CDC42BPA: variants seen among roughly 807,000 people sequenced by gnomAD.
CDC42BPA encodes CDC42 binding protein kinase alpha.
Under a neutral mutation model 223.5 loss-of-function variants are expected in CDC42BPA, and 80 were observed. The observed-to-expected ratio is 0.36, with a 90% CI of 0.30 to 0.43. The LOEUF (loss-of-function observed/expected upper bound fraction) is 0.43. Among genes scored for constraint, CDC42BPA ranks in the 20% least tolerant of loss-of-function variants. The pLI is 1.00. For synonymous variants in CDC42BPA, 694 were observed against 718.6 expected (o/e 0.97, Z 0.55); for missense variants, 1,743 against 2,099.9 (o/e 0.83, Z 3.32).
At chr1:227,011,359 T>C (rs1398715366) in intron 34 of CDC42BPA, among the ~76,000 whole-genome samples, 2 of 152,214 alleles carry the variant, frequency 1.3e-5, no homozygotes, top group African/African-American at 2.4e-5. Context: ...AGTATTTTCT[T>C]ATGTAATAAC....
At chr1:227,117,243 T>C (rs1687906221) in intron 12 of CDC42BPA, among the ~76,000 whole-genome samples, 1 of 152,150 alleles carries the variant, frequency 6.6e-6, no homozygotes, top group South Asian at 2.1e-4. Flanking sequence ...AAAATAGTAA[T>C]AAATATAGAT....
At chr1:227,231,728 T>C (rs544708526) in intron 2 of CDC42BPA, among the ~76,000 whole-genome samples, 6 of 152,186 alleles carry the variant, frequency 3.9e-5, no homozygotes, top group African/African-American at 1.4e-4. Context: ...ATTTCTCTGA[T>C]GGCCAGTGAT....
chr1:227,106,675 G>A (rs1463955444), intron 14 of CDC42BPA, among the ~76,000 whole-genome samples: 1 of 152,200 alleles, frequency 6.6e-6, no homozygotes, highest in East Asian at 1.9e-4. Context: ...CAAATCCAAG[G>A]TCTCTTGAGT....
intron 14 of CDC42BPA, 59 bp from the exon 15 acceptor site, chr1:227,101,298 A>C: frequency 9.3e-7 from 1 of 1,069,584 alleles, no homozygotes; most frequent in South Asian, 2.0e-5. Context: ...TATTTAAATA[A>C]CTTCTTTCTG....
At chr1:227,187,484 G>GAA (rs56401083) in intron 5 of CDC42BPA, among the ~76,000 whole-genome samples, 52 of 138,380 alleles carry the variant, frequency 3.8e-4, no homozygotes, top group African/African-American at 8.2e-4. Flanking sequence ...GAGAAGACTG[G>GAA]AAAAAAAAAA....
chr1:227,126,333 T>C (rs1273557763), intron 11 of CDC42BPA, among the ~76,000 whole-genome samples: 1 of 152,124 alleles, frequency 6.6e-6, no homozygotes, highest in Non-Finnish European at 1.5e-5. Flanking sequence ...ATCTGACTCC[T>C]GACTGCAAGG....
At position 226,994,767 on chromosome 1, in the gene CDC42BPA, G is replaced by A; in HGVS notation, c.5133+56C>T. The A allele has an allele frequency of 2.6e-6, 4 of 1,517,450 alleles. No individual in the cohort carries two copies. Among genetic ancestry groups the A allele is most frequent in the African/African-American group, 1.4e-5 (1 of 72,568 alleles). The allele number at this position is 1,517,450 out of a possible 1,614,324, so 94.0% of individuals were successfully genotyped here. On this transcript the variant is annotated intron_variant, in intron 36 of 36. Transcript: ENST00000366766. The surrounding 1 kb of genome is among the most constrained non-coding windows in gnomAD (Gnocchi z 4.0). ...CAATCCCAAGGTGGTGGGATTGCCT[G>A]GGAAGATGCCCTAGTCTTTCTGATA...
chr1:226,997,738 A>G (rs1661933538), intron 35 of CDC42BPA, among the ~76,000 whole-genome samples: 1 of 152,178 alleles, frequency 6.6e-6, no homozygotes, highest in South Asian at 2.1e-4. Context: ...CAGGTTGTTC[A>G]GTTTCCAAGT....
intron 11 of CDC42BPA, among the ~76,000 whole-genome samples, chr1:227,125,123 C>A (rs1384694660): frequency 6.6e-6 from 1 of 151,632 alleles, no homozygotes; most frequent in Non-Finnish European, 1.5e-5. Context: ...CTCTTTCTAG[C>A]CAAAGGATTA....
At position 226,994,925 on chromosome 1, in the gene CDC42BPA, G is replaced by A; in HGVS notation, c.5031C>T (p.Tyr1677=). ...ALKREFSGGS[Y]SAKRQPMPSP... is the part of the protein sequence containing the mutation. Reference sequence around the variant, plus strand: ...AGGGCATGGGCTGCCGCTTGGCACTGTAGCTTCCTCCAGAGAATTCCCTCT... The same window carrying A: ...AGGGCATGGGCTGCCGCTTGGCACTATAGCTTCCTCCAGAGAATTCCCTCT... Residue 1677 remains tyrosine, a synonymous_variant, in exon 36 of 37, where the codon TAC becomes TAT. Coordinates refer to ENST00000366766, the MANE Select transcript of CDC42BPA (RefSeq NM_001394014.1). The surrounding 1 kb of genome is among the most constrained non-coding windows in gnomAD (Gnocchi z 4.0). The A allele has an allele frequency of 6.2e-7, 1 of 1,614,168 alleles. No homozygotes were observed. Among genetic ancestry groups the A allele is most frequent in the South Asian group, 1.1e-5 (1 of 91,084 alleles).
chr1:226,992,183 T>A lies in CDC42BPA; in HGVS notation c.*2085A>T, dbSNP rs1222119198. The A allele has an allele frequency of 6.6e-6, 1 of 152,144 alleles. No homozygotes were observed. The highest frequency in any genetic ancestry group is 1.5e-5 in the Non-Finnish European group (1 of 68,010). 9.4% of individuals were successfully genotyped at this position (152,144 alleles called of 1,614,324 possible). On this transcript the variant is annotated 3_prime_UTR_variant, in exon 37 of 37. Coordinates refer to ENST00000366766, the MANE Select transcript of CDC42BPA (RefSeq NM_001394014.1). ...CTGAGGACAAGGATCTACCAAGTCA[T>A]ATGACAATGATCCAACTAAAGGGCC...
chr1:227,277,078 T>TAAAAAAAAAAAAAAA (rs199895591), intron 1 of CDC42BPA, among the ~76,000 whole-genome samples: 2 of 105,018 alleles, frequency 1.9e-5, no homozygotes, highest in African/African-American at 3.4e-5. Flanking sequence ...CAATAAATAC[T>TAAAAAAAAAAAAAAA]AAAAAAAAAA....
intron 34 of CDC42BPA, among the ~76,000 whole-genome samples, chr1:227,009,898 C>G (rs1664833703): frequency 6.6e-6 from 1 of 151,944 alleles, no homozygotes; most frequent in Non-Finnish European, 1.5e-5. Flanking sequence ...ATAATACAAA[C>G]AACAAAAAAT....
chr1:227,303,003 T>C (rs1367716305), intron 1 of CDC42BPA, among the ~76,000 whole-genome samples: 1 of 136,500 alleles, frequency 7.3e-6, no homozygotes, highest in Admixed American at 7.8e-5. Context: ...TTTGGTTTTT[T>C]TGGGTTTTTT....
intron 4 of CDC42BPA, 52 bp downstream of exon 4, chr1:227,199,504 GC>G: frequency 1.0e-6 from 1 of 994,142 alleles, no homozygotes. Flanking sequence ...TAAAAATAAT[GC>G]TAATTCTTCC....
At chr1:227,220,504 A>G (rs1303730182) in intron 2 of CDC42BPA, among the ~76,000 whole-genome samples, 1 of 151,158 alleles carries the variant, frequency 6.6e-6, no homozygotes, top group Non-Finnish European at 1.5e-5. Context: ...TAATTCTATC[A>G]CTCTCAACAG....
chr1:227,276,439 C>T (rs1418841703), intron 1 of CDC42BPA, among the ~76,000 whole-genome samples: 2 of 151,782 alleles, frequency 1.3e-5, no homozygotes, highest in Non-Finnish European at 2.9e-5. Context: ...CTGCCCCGTC[C>T]GGGAGGGAGG....
At chr1:227,264,919 AC>A in intron 1 of CDC42BPA, 1 of 1,296,058 alleles carries the variant, frequency 7.7e-7, no homozygotes, top group Non-Finnish European at 1.1e-6. Flanking sequence ...CCAGCTCAAT[AC>A]CCCACTCGGT....
chr1:227,009,113 G>T lies in CDC42BPA; in HGVS notation c.4858-4002C>A, dbSNP rs538337532. On this transcript the variant is annotated intron_variant, in intron 34 of 36. Transcript: ENST00000366766. The stretch of plus-strand genomic sequence containing the variant: ...AAACAAACCTATCCTAGAATAAATA[G>T]CAAAAATTAAGGCTACAAACTGTAT... Among the ~76,000 whole-genome samples, 4 of 152,122 alleles carry T rather than the reference G, an allele frequency of 2.6e-5. No homozygotes were observed. In the East Asian group the frequency reaches 7.7e-4, roughly 29 times the overall value.
Sources: gnomAD v4.1 joint callset for allele counts (sites outside exome capture counted in the v4.1 genomes callset) on GRCh38, gnomAD v4.1.1 for gene constraint, Gnocchi (gnomAD v3.1) non-coding constraint, MANE v1.5 for transcripts, NCBI Gene and HGNC (gene_info 2026-07-23, HGNC 2026-07-21) for gene names.